Variants in ENPP3 observed in about 807,000 individuals in gnomAD.
ENPP3 encodes the protein ectonucleotide pyrophosphatase/phosphodiesterase 3.
Under a neutral mutation model 117.8 loss-of-function variants are expected in ENPP3, and 104 were observed. The ratio of observed to expected loss-of-function variants is 0.88; its 90% CI spans 0.75 to 1.04. The LOEUF is 1.04. Among genes scored for constraint, ENPP3 ranks in the 50% least tolerant of loss-of-function variants. The pLI is 0.00. For synonymous variants in ENPP3, 380 were observed against 349.9 expected (o/e 1.09, Z -0.96); for missense variants, 1,026 against 1,051.9 (o/e 0.98, Z 0.34).
At chr6:131,689,579 G>A (rs1228355715) in intron 14 of ENPP3, among the ~76,000 whole-genome samples, 3 of 152,164 alleles carry the variant, frequency 2.0e-5, no homozygotes, top group Non-Finnish European at 4.4e-5. Context: ...GAAAGTACCA[G>A]GTCACCCAAG....
intron 20 of ENPP3, among the ~76,000 whole-genome samples, chr6:131,732,975 C>CTT (rs1186423979): frequency 2.0e-5 from 3 of 151,834 alleles, no homozygotes; most frequent in Non-Finnish European, 4.4e-5. Flanking sequence ...GATCTGCCTG[C>CTT]CTCGGCCTCT....
chr6:131,678,917 CTTTCTTTCTTTCTTTCTTTCTT>C (rs1778934906), intron 11 of ENPP3, among the ~76,000 whole-genome samples: 1 of 66,508 alleles, frequency 1.5e-5, no homozygotes. Context: ...CTCTTTCTTT[CTTTCTTTCTTTCTTTCTTTCTT>C]TCTTTCTTTC....
chr6:131,720,373 A>C lies in ENPP3; in HGVS notation c.1561A>C (p.Met521Leu), dbSNP rs779670278. The change falls in exon 17 of 25, where the codon ATG (methionine) becomes CTG (leucine). Residue 521 changes from methionine to leucine, a missense_variant. Physicochemically the swap from Met to Leu is conservative, Grantham distance 15 (BLOSUM62 2). Coordinates refer to ENST00000357639, the MANE Select transcript of ENPP3 (RefSeq NM_005021.5). ...TGAAAATATTGAAGTCTATAACCTA[A>C]TGTGTGGTAAGTATATTTAAATAAG... Reference protein sequence around the residue: ...PFENIEVYNLMCDLLRIQPAP... With the variant: ...PFENIEVYNLLCDLLRIQPAP... 6.6e-7 allele frequency: 1 copy of C among 1,507,418 alleles called. No individual in the cohort carries two copies. Among genetic ancestry groups the C allele is most frequent in the Non-Finnish European group, 9.1e-7 (1 of 1,097,422 alleles). The allele number at this position is 1,507,418 out of a possible 1,614,324, so 93.4% of individuals were successfully genotyped here. A position where few individuals can be genotyped will look rare whatever the true frequency, so the allele number is the denominator to read the frequency against.
chr6:131,646,770 T>C (rs1390796978), intron 2 of ENPP3, among the ~76,000 whole-genome samples: 4 of 149,394 alleles, frequency 2.7e-5, no homozygotes, highest in Non-Finnish European at 3.0e-5. Flanking sequence ...TTTTAACTTT[T>C]CCAGGACTCC....
rs371619801 is a variant in ENPP3 at position 131,718,591 on chromosome 6, CTATA to C, written c.1413-78_1413-75del. 5.1e-4 allele frequency: 314 copies of C among 616,486 alleles called. 2 individuals are homozygous for C. The East Asian group carries it at 9.1e-3, about 18-fold the overall frequency. The allele number at this position is 616,486 out of a possible 1,614,324, so 38.2% of individuals were successfully genotyped here. A position where few individuals can be genotyped will look rare whatever the true frequency, so the allele number is the denominator to read the frequency against. ...AATTTACTTATAAAATTTACAGAAACTATATAAAATTAGTTAAATCTTACACTAT... is the reference window on the plus strand; with the variant it reads ...AATTTACTTATAAAATTTACAGAAACTAAAATTAGTTAAATCTTACACTAT... On this transcript the variant is annotated intron_variant, in intron 15 of 24. Transcript: ENST00000357639.
intron 2 of ENPP3, among the ~76,000 whole-genome samples, chr6:131,644,114 A>G (rs1778109743): frequency 1.3e-5 from 2 of 152,186 alleles, no homozygotes; most frequent in South Asian, 4.1e-4. Context: ...AAGGAATAAC[A>G]AAGAGGCCAT....
chr6:131,657,323 A>G (rs1778407171), intron 5 of ENPP3, among the ~76,000 whole-genome samples: 2 of 152,170 alleles, frequency 1.3e-5, no homozygotes. Flanking sequence ...AAGATAGCTC[A>G]TGTCCCTTCC....
chr6:131,671,138 T>A, intron 6 of ENPP3, 110 bp from the exon 7 acceptor site: 1 of 719,592 alleles, frequency 1.4e-6, no homozygotes, highest in South Asian at 1.5e-5. Context: ...TTTAATCCAC[T>A]TTTTAGTTTG....
intron 17 of ENPP3, 140 bp from the exon 18 acceptor site, chr6:131,722,087 C>A (rs1260918485): frequency 3.2e-6 from 2 of 621,002 alleles, no homozygotes; most frequent in African/African-American, 1.9e-5. Context: ...AACTGAATGG[C>A]ATATAGAGTA....
At position 131,726,106 on chromosome 6, in the gene ENPP3, T is replaced by G. The variant is rs1208783484; in HGVS notation, c.1859T>G (p.Val620Gly). The change falls in exon 20 of 25, where the codon GTG becomes GGG. Residue 620 changes from valine (V) to glycine (G), a missense_variant. Val to Gly is a moderately radical substitution (Grantham distance 109, BLOSUM62 -3). Coordinates refer to ENST00000357639, the MANE Select transcript of ENPP3 (RefSeq NM_005021.5). ...FGRPRVLQKNVDHCLLYHREY... is the reference protein window; with the variant it reads ...FGRPRVLQKNGDHCLLYHREY... ...AGGCCTAGGGTACTGCAGAAGAACG[T>G]GGACCACTGTCTCCTTTACCACAGG... The G allele has an allele frequency of 6.2e-7, 1 of 1,613,270 alleles. No individual in the cohort carries two copies. The highest frequency in any genetic ancestry group is 1.1e-5 in the South Asian group (1 of 91,066).
At chr6:131,712,208 A>G (rs1192976425) in intron 15 of ENPP3, among the ~76,000 whole-genome samples, 1 of 141,250 alleles carries the variant, frequency 7.1e-6, no homozygotes, top group Non-Finnish European at 1.5e-5. Flanking sequence ...TAACTGATTT[A>G]TTTCTTATCA....
Position 131,722,304 on chromosome 6 carries a change from G to C in ENPP3, c.1645G>C (p.Glu549Gln). The change falls in exon 18 of 25, where the codon GAG becomes CAG. Residue 549 changes from glutamate (E) to glutamine (Q), a missense_variant. By Grantham distance (29) the Glu-to-Gln change is conservative (BLOSUM62 2). Coordinates refer to ENST00000357639, the MANE Select transcript of ENPP3 (RefSeq NM_005021.5). ...CCATCTTCTGAAGGTGCCTTTTTAT[G>C]AGCCATCCCATGCAGAGGAGGTGTC... ...LNHLLKVPFYEPSHAEEVSKF... is the reference protein window; with the variant it reads ...LNHLLKVPFYQPSHAEEVSKF... 2 of 1,614,016 alleles carry C rather than the reference G, an allele frequency of 1.2e-6. No homozygotes were observed. The highest frequency in any genetic ancestry group is 1.7e-6 in the Non-Finnish European group (2 of 1,179,916).
chr6:131,663,693 CAA>C (rs111357396), intron 6 of ENPP3, among the ~76,000 whole-genome samples: 4,196 of 125,266 alleles, frequency 0.033, 166 homozygotes, highest in African/African-American at 0.11. Flanking sequence ...GTTCTTGTCT[CAA>C]AAAAAAAAAA....
At position 131,689,658 on chromosome 6, in the gene ENPP3, T is replaced by G. The variant is rs140912895; in HGVS notation, c.1284+3751T>G. ...GCTAACACATCTATTCTGCAGGCCATGGATCAAGGAGCAATTTTAACTTTC... is the reference window on the plus strand; with the variant it reads ...GCTAACACATCTATTCTGCAGGCCAGGGATCAAGGAGCAATTTTAACTTTC... On this transcript the variant is annotated intron_variant, in intron 14 of 24. Transcript: ENST00000357639. Among the ~76,000 whole-genome samples, 1,029 of 152,340 alleles carry G rather than the reference T, an allele frequency of 6.8e-3. 9 individuals are homozygous for G. Among genetic ancestry groups the G allele is most frequent in the African/African-American group, 0.023 (976 of 41,570 alleles).
chr6:131,714,135 A>C (rs1194531605), intron 15 of ENPP3, among the ~76,000 whole-genome samples: 1 of 152,162 alleles, frequency 6.6e-6, no homozygotes, highest in Non-Finnish European at 1.5e-5. Context: ...GAAAAACATC[A>C]TGGTAGCATG....
At chr6:131,644,888 G>A (rs117859986) in intron 2 of ENPP3, among the ~76,000 whole-genome samples, 1,815 of 152,314 alleles carry the variant, frequency 0.012, 14 homozygotes, top group Middle Eastern at 0.027. Flanking sequence ...GGTAACTATT[G>A]TGTTCTAGAA....
At chr6:131,639,818 T>A (rs2114278510) in intron 1 of ENPP3, among the ~76,000 whole-genome samples, 1 of 152,260 alleles carries the variant, frequency 6.6e-6, no homozygotes, top group Non-Finnish European at 1.5e-5. Context: ...AGTAAATGAT[T>A]ATAAAGGCTT....
At chr6:131,737,258 A>G in intron 21 of ENPP3, 97 bp from the exon 22 acceptor site, 1 of 717,346 alleles carries the variant, frequency 1.4e-6, no homozygotes, top group Non-Finnish European at 2.3e-6. Context: ...TTGACTGTTA[A>G]TAAATTTATA....
In ENPP3 at chr6:131,678,973, C is replaced by G. The variant is rs1269853385; in HGVS notation, c.1011+1033C>G. The stretch of plus-strand genomic sequence containing the variant: ...TCTTTCTTTCTTTCCTTCCTTCCTT[C>G]CTTCCTTCCTTCCTTCCTTCCTTCC... On this transcript the variant is annotated intron_variant, in intron 11 of 24. Coordinates refer to ENST00000357639, the MANE Select transcript of ENPP3 (RefSeq NM_005021.5). 3.3e-4 allele frequency among the ~76,000 whole-genome samples: 35 copies of G among 105,818 alleles called. 1 individual carries two copies. Among genetic ancestry groups the G allele is most frequent in the Middle Eastern group, 9.2e-3 (2 of 218 alleles). 69.4% of individuals were successfully genotyped at this position (105,818 alleles called of 152,430 possible).
Sources: gnomAD v4.1 joint callset for allele counts (sites outside exome capture counted in the v4.1 genomes callset) on GRCh38, gnomAD v4.1.1 for gene constraint, MANE v1.5 for transcripts, NCBI Gene and HGNC (gene_info 2026-07-23, HGNC 2026-07-21) for gene names.